The following HOXA10 variants were observed in gnomAD, a reference collection of about 807,000 sequenced individuals.
HOXA10 encodes homeobox A10.
HOXA10 carries 12 observed loss-of-function variants against 29.7 expected under a neutral mutation model. The observed-to-expected ratio is 0.40, with a 90% CI of 0.26 to 0.65. The LOEUF (loss-of-function observed/expected upper bound fraction) is 0.65, where lower values mean the gene tolerates loss of function less well. Ranked by LOEUF, HOXA10 falls within the 30% of genes least tolerant of loss-of-function variation. The probability of loss-of-function intolerance (pLI) is 0.37; values close to 1 mark genes in which losing one functional copy is unlikely to be tolerated. For synonymous variants in HOXA10, 327 were observed against 280.7 expected (o/e 1.16, Z -1.65); for missense variants, 656 against 585.9 (o/e 1.12, Z -1.24).
At chr7:27,177,741 T>G (rs1250352393), upstream of HOXA10, among the ~76,000 whole-genome samples, 1 of 152,234 alleles carries the variant, frequency 6.6e-6, no homozygotes, top group Non-Finnish European at 1.5e-5. Context: ...TCCTCCCTCG[T>G]GCTCATTTGC....
chr7:27,177,988 G>A (rs1168467480), upstream of HOXA10, among the ~76,000 whole-genome samples: 2 of 152,214 alleles, frequency 1.3e-5, no homozygotes, highest in Non-Finnish European at 2.9e-5. Context: ...TAAGGCCTTC[G>A]GCAAGGATTA....
rs1450481121 is a variant in HOXA10 at position 27,170,745 on chromosome 7, A to T, written c.*1154T>A. On this transcript the variant is annotated 3_prime_UTR_variant, in exon 2 of 2. Coordinates refer to ENST00000283921, the MANE Select transcript of HOXA10 (RefSeq NM_018951.4). ...AACATTTATAATAACGATAGAATGCATTTGCTTAAAACAAGATTGGCAATT... is the reference window on the plus strand; with the variant it reads ...AACATTTATAATAACGATAGAATGCTTTTGCTTAAAACAAGATTGGCAATT... 1 of 448,166 alleles carries T rather than the reference A, an allele frequency of 2.2e-6. No homozygotes were observed. Among genetic ancestry groups the T allele is most frequent in the African/African-American group, 2.0e-5 (1 of 49,486 alleles). The allele number at this position is 448,166 out of a possible 1,614,324, so 27.8% of individuals were successfully genotyped here. A position where few individuals can be genotyped will look rare whatever the true frequency, so the allele number is the denominator to read the frequency against.
chr7:27,173,017 G>A (rs1783542617), intron 1 of HOXA10: 2 of 348,802 alleles, frequency 5.7e-6, no homozygotes, highest in Non-Finnish European at 1.0e-5. Flanking sequence ...CGTGGGCCGC[G>A]CCGCGCAGGC....
chr7:27,179,460 C>A (rs1161755348), intron 1 of HOXA10, among the ~76,000 whole-genome samples: 3 of 152,168 alleles, frequency 2.0e-5, no homozygotes, highest in Non-Finnish European at 2.9e-5. Context: ...GCGCAAGGAG[C>A]TAAAATCCTC....
chr7:27,178,792 T>C (rs937182272), upstream of HOXA10, among the ~76,000 whole-genome samples: 1 of 152,158 alleles, frequency 6.6e-6, no homozygotes. Flanking sequence ...GGGAAACTAA[T>C]GGAAAAATAG....
In HOXA10 at chr7:27,171,959, C is replaced by T. The variant is rs1355158679; in HGVS notation, c.1173G>A (p.Leu391=). The change falls in exon 2 of 2, where the codon CTG becomes CTA. Residue 391 remains leucine, a synonymous_variant. Coordinates refer to ENST00000283921, the MANE Select transcript of HOXA10 (RefSeq NM_018951.4). ...TCCGGTTTTCTCGATTCATTTTCTT[C>T]AGTTTCATCCTGCGGTTCTGAAACC... is the stretch of plus-strand genomic sequence containing the variant. The part of the protein sequence containing the change: ...KIWFQNRRMK[L]KKMNRENRIR... The T allele has an allele frequency of 1.9e-6, 3 of 1,614,174 alleles. No homozygotes were observed. Among genetic ancestry groups the T allele is most frequent in the South Asian group, 1.1e-5 (1 of 91,086 alleles).
upstream of HOXA10, chr7:27,174,616 G>T (rs1050963141): frequency 6.7e-6 from 3 of 449,190 alleles, no homozygotes; most frequent in African/African-American, 2.0e-5. Flanking sequence ...GCCCCATACC[G>T]GGGTCCCTTA....
In HOXA10 at chr7:27,171,397, C is replaced by T. The variant is rs939980602; in HGVS notation, c.*502G>A. The T allele has an allele frequency of 4.4e-6, 2 of 454,836 alleles. No individual in the cohort carries two copies. Among genetic ancestry groups the T allele is most frequent in the Middle Eastern group, 6.8e-4 (1 of 1,466 alleles). 28.2% of individuals were successfully genotyped at this position (454,836 alleles called of 1,614,324 possible). On this transcript the variant is annotated 3_prime_UTR_variant, in exon 2 of 2. Coordinates refer to ENST00000283921, the MANE Select transcript of HOXA10 (RefSeq NM_018951.4). ...AGAAAGGAAGAAAGAAAAAAGAAAC[C>T]CAGGGGCCTGTATCCCCTGATTAAA...
chr7:27,174,024 C>T lies in HOXA10; in HGVS notation c.283G>A (p.Gly95Ser), dbSNP rs780248307. Residue 95 changes from glycine to serine, a missense_variant, in exon 1 of 2, where the codon GGC becomes AGC. Physicochemically the swap from Gly to Ser is moderately conservative, Grantham distance 56. Coordinates refer to ENST00000283921, the MANE Select transcript of HOXA10 (RefSeq NM_018951.4). ...AGACCCCCGCCACCGCCACCGCTGCCCGGCGACGCTGCCTCATTGCGCTTG... is the reference window on the plus strand; with the variant it reads ...AGACCCCCGCCACCGCCACCGCTGCTCGGCGACGCTGCCTCATTGCGCTTG... ...GGKRNEAASP[G>S]SGGGGGGLGP... is the part of the protein sequence containing the mutation. 23 of 1,530,378 alleles carry T rather than the reference C, an allele frequency of 1.5e-5. No homozygotes were observed. Among genetic ancestry groups the T allele is most frequent in the South Asian group, 3.6e-5 (3 of 83,794 alleles). 94.8% of individuals were successfully genotyped at this position (1,530,378 alleles called of 1,614,324 possible).
At chr7:27,173,019 C>T in intron 1 of HOXA10, 2 of 362,356 alleles carry the variant, frequency 5.5e-6, no homozygotes, top group South Asian at 4.0e-5. Context: ...TGGGCCGCGC[C>T]GCGCAGGCTG....
chr7:27,177,422 C>A (rs1346193799), upstream of HOXA10, among the ~76,000 whole-genome samples: 3 of 152,144 alleles, frequency 2.0e-5, 1 homozygote, highest in East Asian at 5.8e-4. Context: ...GAGTGGGAAA[C>A]GCAGCGAGAC....
upstream of HOXA10, among the ~76,000 whole-genome samples, chr7:27,178,847 C>T (rs1783700900): frequency 6.6e-6 from 1 of 152,194 alleles, no homozygotes; most frequent in African/African-American, 2.4e-5. Flanking sequence ...TGAATCGATC[C>T]TTCAAAATGT....
upstream of HOXA10, among the ~76,000 whole-genome samples, chr7:27,174,488 T>C (rs1469489930): frequency 6.6e-6 from 1 of 152,190 alleles, no homozygotes; most frequent in Non-Finnish European, 1.5e-5. Context: ...TCTGTATTGA[T>C]GGGCCAGGAG....
At chr7:27,172,476 T>C (rs1253568204) in intron 1 of HOXA10, 3 of 466,584 alleles carry the variant, frequency 6.4e-6, no homozygotes, top group East Asian at 8.6e-5. Context: ...AGGCTGTACA[T>C]CTTGAACTTA....
At chr7:27,178,296 A>G (rs1430328249), upstream of HOXA10, among the ~76,000 whole-genome samples, 2 of 152,262 alleles carry the variant, frequency 1.3e-5, no homozygotes, top group African/African-American at 2.4e-5. Context: ...CATAGTTAGA[A>G]AATTTTTCCA....
upstream of HOXA10, among the ~76,000 whole-genome samples, chr7:27,178,487 A>G (rs975485527): frequency 2.2e-4 from 34 of 152,244 alleles, no homozygotes; most frequent in African/African-American, 7.5e-4. Context: ...GGGCCTTTTC[A>G]CACACCCTTT....
In HOXA10 at chr7:27,170,643, C is replaced by T. The variant is rs952470267; in HGVS notation, c.*1256G>A. Reference sequence around the variant, plus strand: ...TTTTATTCTATAAGAACATAAACATCGTCTTTTTCCACGCACAGCAGCAAT... The same window carrying T: ...TTTTATTCTATAAGAACATAAACATTGTCTTTTTCCACGCACAGCAGCAAT... On this transcript the variant is annotated 3_prime_UTR_variant, in exon 2 of 2. Coordinates refer to ENST00000283921, the MANE Select transcript of HOXA10 (RefSeq NM_018951.4). The T allele has an allele frequency of 2.7e-6, 1 of 368,536 alleles. No homozygotes were observed. The highest frequency in any genetic ancestry group is 7.4e-5 in the East Asian group (1 of 13,588). The allele number at this position is 368,536 out of a possible 1,614,324, so 22.8% of individuals were successfully genotyped here.
intron 1 of HOXA10, 110 bp from the exon 2 acceptor site, chr7:27,172,283 A>G: frequency 1.7e-6 from 2 of 1,177,992 alleles, no homozygotes; most frequent in Non-Finnish European, 2.5e-6. Context: ...CAAGTCACAG[A>G]GAAGAGAGTC....
Position 27,173,856 on chromosome 7 carries a change from C to G in HOXA10, c.451G>C (p.Ala151Pro), listed in dbSNP as rs1455361311. ...PPPPPQPPQP[A>P]PQATSCSFAQ... is the part of the protein sequence containing the mutation. The stretch of plus-strand genomic sequence containing the variant: ...AAAGAGCACGAGGTGGCCTGCGGCG[C>G]TGGCTGGGGTGGTTGCGGCGGGGGC... Residue 151 changes from alanine to proline, a missense_variant, in exon 1 of 2, where the codon GCG (alanine) becomes CCG (proline). Coordinates refer to ENST00000283921, the MANE Select transcript of HOXA10 (RefSeq NM_018951.4). 2 of 1,605,914 alleles carry G rather than the reference C, an allele frequency of 1.2e-6. No homozygotes were observed. Among genetic ancestry groups the G allele is most frequent in the African/African-American group, 1.3e-5 (1 of 74,096 alleles).
Sources: gnomAD v4.1 joint callset for allele counts (sites outside exome capture counted in the v4.1 genomes callset) on GRCh38, gnomAD v4.1.1 for gene constraint, MANE v1.5 for transcripts, NCBI Gene and HGNC (gene_info 2026-07-23, HGNC 2026-07-21) for gene names.